HEPACAM2: variants seen among roughly 807,000 people sequenced by gnomAD.
HEPACAM2 encodes mitotic kinetics regulator.
A neutral mutation model predicts 49.6 loss-of-function variants in HEPACAM2; 49 were observed. That is an observed-to-expected ratio of 0.99 (90% CI 0.78 to 1.25). The LOEUF is 1.25. Ranked by LOEUF, HEPACAM2 falls within the 50% of genes most tolerant of loss-of-function variation. The pLI is 0.00. For synonymous variants in HEPACAM2, 197 were observed against 202.9 expected (o/e 0.97, Z 0.25); for missense variants, 525 against 557.2 (o/e 0.94, Z 0.58).
At chr7:93,191,804 T>C (rs78594986) in intron 9 of HEPACAM2, among the ~76,000 whole-genome samples, 298 of 152,172 alleles carry the variant, frequency 2.0e-3, no homozygotes, top group African/African-American at 6.9e-3. Context: ...GGATTGGCAT[T>C]GGTGCTGACT....
At chr7:93,212,462 T>A (rs574744671) in intron 3 of HEPACAM2, among the ~76,000 whole-genome samples, 7 of 152,054 alleles carry the variant, frequency 4.6e-5, no homozygotes, top group African/African-American at 1.7e-4. Flanking sequence ...GCTTCTGATA[T>A]GTTTCTTAAA....
chr7:93,203,390 G>A (rs957683138), intron 4 of HEPACAM2, among the ~76,000 whole-genome samples: 5 of 152,110 alleles, frequency 3.3e-5, no homozygotes, highest in African/African-American at 9.7e-5. Flanking sequence ...GCAGGCAAGT[G>A]TTTTTGCAAA....
intron 3 of HEPACAM2, among the ~76,000 whole-genome samples, chr7:93,213,783 C>A (rs906244853): frequency 3.9e-5 from 6 of 152,016 alleles, no homozygotes; most frequent in African/African-American, 1.4e-4. Flanking sequence ...CACAATGAAC[C>A]TGTTAGTGAC....
Position 93,219,143 on chromosome 7 carries a change from C to T in HEPACAM2, c.388G>A (p.Gly130Arg), listed in dbSNP as rs1794386477. ...YIVKVNIQGN[G>R]TLSASQKIQV... ...ATCTTCTGACTGGCAGATAGAGTTC[C>T]ATTTCCCTGAATGTTGACCTTCACG... Residue 130 changes from glycine (G) to arginine (R), a missense_variant, in exon 2 of 10, where the codon GGA (glycine) becomes AGA (arginine). Gly to Arg is a moderately radical substitution (Grantham distance 125, BLOSUM62 -2). Coordinates refer to ENST00000394468, the MANE Select transcript of HEPACAM2 (RefSeq NM_001039372.4). 1.2e-6 allele frequency: 2 copies of T among 1,613,916 alleles called. No individual in the cohort carries two copies.
intron 2 of HEPACAM2, among the ~76,000 whole-genome samples, chr7:93,216,308 A>G (rs1794306728): frequency 6.6e-6 from 1 of 152,166 alleles, no homozygotes; most frequent in Non-Finnish European, 1.5e-5. Flanking sequence ...CAAAACCTAC[A>G]TTTATTTCAA....
At chr7:93,206,195 C>T (rs1794024084) in intron 4 of HEPACAM2, among the ~76,000 whole-genome samples, 2 of 152,020 alleles carry the variant, frequency 1.3e-5, no homozygotes, top group African/African-American at 2.4e-5. Context: ...AAGATGATAC[C>T]AGGATTGCTA....
rs749791429 is a variant in HEPACAM2 at position 93,208,886 on chromosome 7, T to A, written c.716-10A>T. The A allele has an allele frequency of 2.0e-6, 3 of 1,536,672 alleles. No homozygotes were observed. The highest frequency in any genetic ancestry group is 2.1e-5 in the Admixed American group (1 of 47,044). On this transcript the variant is annotated splice_polypyrimidine_tract_variant and intron_variant, in intron 3 of 9. Coordinates refer to ENST00000394468, the MANE Select transcript of HEPACAM2 (RefSeq NM_001039372.4). ...AGTCCATAAGGTCCATCTGCATCAA[T>A]ATAAAAAAAAATAGATAAGTAACAC...
chr7:93,215,963 G>A (rs976249757), intron 2 of HEPACAM2, among the ~76,000 whole-genome samples: 2 of 152,066 alleles, frequency 1.3e-5, no homozygotes, highest in Non-Finnish European at 2.9e-5. Flanking sequence ...CTTTATAGGT[G>A]GCTGAGAATG....
At chr7:93,231,904 G>C in the HEPACAM2 span, among the ~76,000 whole-genome samples, 2 of 152,086 alleles carry the variant, frequency 1.3e-5, no homozygotes, top group Non-Finnish European at 2.9e-5. Flanking sequence ...AACCCAGCGC[G>C]CCCGGGGTAG....
In HEPACAM2 at chr7:93,215,660, C is replaced by G. The variant is rs1278504454; in HGVS notation, c.456G>C (p.Gln152His). The G allele has an allele frequency of 6.2e-7, 1 of 1,613,438 alleles. No individual in the cohort carries two copies. Among genetic ancestry groups the G allele is most frequent in the Admixed American group, 1.7e-5 (1 of 59,916 alleles). The change falls in exon 3 of 10, where the codon CAG (glutamine) becomes CAC (histidine). Residue 152 changes from glutamine to histidine, a missense_variant. By Grantham distance (24) the Gln-to-His change is conservative. Transcript: ENST00000394468. The stretch of plus-strand genomic sequence containing the variant: ...CCACAGCCCCAGAGGGAGGATGAAT[C>G]TGCACCACTGGCTTTGTGACAGGAT... ...VDDPVTKPVV[Q>H]IHPPSGAVEY...
intron 3 of HEPACAM2, 45 bp from the exon 4 acceptor site, chr7:93,208,921 C>T: frequency 6.8e-7 from 1 of 1,473,510 alleles, no homozygotes; most frequent in Non-Finnish European, 9.1e-7. Context: ...CAAGTAATCA[C>T]AACATAGGTT....
intron 1 of HEPACAM2, 36 bp downstream of exon 1, chr7:93,226,332 A>G (rs567664706): frequency 2.6e-4 from 386 of 1,497,096 alleles, no homozygotes; most frequent in South Asian, 6.5e-4. Flanking sequence ...AAAAAACCTA[A>G]CAAACAGCTA....
chr7:93,203,763 C>G (rs1793955509), intron 4 of HEPACAM2, among the ~76,000 whole-genome samples: 1 of 152,134 alleles, frequency 6.6e-6, no homozygotes, highest in Non-Finnish European at 1.5e-5. Flanking sequence ...TGCTACCAGT[C>G]TGTGTATCCA....
At position 93,219,378 on chromosome 7, in the gene HEPACAM2, T is replaced by C. The variant is rs779135164; in HGVS notation, c.153A>G (p.Leu51=). 6.2e-6 allele frequency: 10 copies of C among 1,613,760 alleles called. No individual in the cohort carries two copies. The highest frequency in any genetic ancestry group is 2.2e-5 in the South Asian group (2 of 91,074). Reference sequence around the variant, plus strand: ...GAGTGTGGAAGCCATAGTGGACGGGTAGGTAGAGGGCCTGACCTCTGACGC... The same window carrying C: ...GAGTGTGGAAGCCATAGTGGACGGGCAGGTAGAGGGCCTGACCTCTGACGC... ...VHGVRGQALY[L]PVHYGFHTPA... is the part of the protein sequence containing the mutation. The change falls in exon 2 of 10, where the codon CTA becomes CTG. Residue 51 remains leucine (L), a synonymous_variant. Coordinates refer to ENST00000394468, the MANE Select transcript of HEPACAM2 (RefSeq NM_001039372.4).
chr7:93,198,160 A>T (rs1352147509), intron 4 of HEPACAM2, among the ~76,000 whole-genome samples: 8 of 152,162 alleles, frequency 5.3e-5, no homozygotes, highest in Non-Finnish European at 1.2e-4. Flanking sequence ...TTCTTAAAAT[A>T]GGATGTATGT....
chr7:93,215,906 C>A (rs1462151539), intron 2 of HEPACAM2, among the ~76,000 whole-genome samples: 1 of 152,088 alleles, frequency 6.6e-6, no homozygotes, highest in Non-Finnish European at 1.5e-5. Context: ...CAGAGATAAT[C>A]AAATTCCAGA....
upstream of HEPACAM2, among the ~76,000 whole-genome samples, chr7:93,230,065 T>A (rs1294253187): frequency 6.6e-6 from 1 of 152,214 alleles, no homozygotes; most frequent in African/African-American, 2.4e-5. Context: ...GGAAATAAAC[T>A]AAAATGTAGA....
chr7:93,205,211 G>A (rs1483514668), intron 4 of HEPACAM2, among the ~76,000 whole-genome samples: 1 of 151,988 alleles, frequency 6.6e-6, no homozygotes, highest in Non-Finnish European at 1.5e-5. Flanking sequence ...GATACAAAAA[G>A]GTCAATTAAT....
intron 3 of HEPACAM2, among the ~76,000 whole-genome samples, chr7:93,209,963 ATCT>A (rs1794139056): frequency 6.6e-6 from 1 of 151,932 alleles, no homozygotes; most frequent in Non-Finnish European, 1.5e-5. Context: ...AAAAAGTTAC[ATCT>A]TCTTTATCAT....
Sources: allele counts gnomAD v4.1 joint callset (sites outside exome capture counted in the v4.1 genomes callset), GRCh38; gene constraint gnomAD v4.1.1; transcripts MANE v1.5; gene names NCBI Gene and HGNC (gene_info 2026-07-23, HGNC 2026-07-21).